NCKAP5: variants seen among roughly 807,000 people sequenced by gnomAD.
NCKAP5 encodes the protein NCK associated protein 5.
Under a neutral mutation model 167.0 loss-of-function variants are expected in NCKAP5, and 92 were observed. That is an observed-to-expected ratio of 0.55 (90% CI 0.47 to 0.66). The LOEUF (loss-of-function observed/expected upper bound fraction) is 0.66, where lower values mean the gene tolerates loss of function less well. Among genes scored for constraint, NCKAP5 ranks in the 30% least tolerant of loss-of-function variants. The probability of loss-of-function intolerance (pLI) is 0.00; values close to 1 mark genes in which losing one functional copy is unlikely to be tolerated. For synonymous variants in NCKAP5, 891 were observed against 877.4 expected (o/e 1.02, Z -0.27); for missense variants, 2,378 against 2,315.0 (o/e 1.03, Z -0.56).
chr2:132,696,627 G>A (rs544955852), intron 19 of NCKAP5, among the ~76,000 whole-genome samples: 102 of 152,182 alleles, frequency 6.7e-4, no homozygotes, highest in African/African-American at 2.4e-3. Flanking sequence ...CTTTTCACTC[G>A]GATCATTAGC....
intron 3 of NCKAP5, among the ~76,000 whole-genome samples, chr2:133,394,426 G>A (rs1405828185): frequency 1.3e-5 from 2 of 152,140 alleles, no homozygotes; most frequent in African/African-American, 2.4e-5. Flanking sequence ...AAGAATGGAG[G>A]CACATCAGTC....
intron 8 of NCKAP5, among the ~76,000 whole-genome samples, chr2:132,904,246 C>A (rs1328921382): frequency 6.7e-6 from 1 of 149,916 alleles, no homozygotes; most frequent in African/African-American, 2.5e-5. Flanking sequence ...TGAGATGGCG[C>A]CACTGCACTC....
At chr2:133,173,200 G>A (rs1389731304) in intron 5 of NCKAP5, among the ~76,000 whole-genome samples, 1 of 152,136 alleles carries the variant, frequency 6.6e-6, no homozygotes, top group Non-Finnish European at 1.5e-5. Flanking sequence ...CAGGAGGTTG[G>A]GGTGGGATAT....
At chr2:133,178,622 G>A (rs1353495114) in intron 5 of NCKAP5, among the ~76,000 whole-genome samples, 2 of 146,572 alleles carry the variant, frequency 1.4e-5, no homozygotes, top group Non-Finnish European at 3.0e-5. Context: ...TCAGAAGATT[G>A]AGACCATCCT....
intron 8 of NCKAP5, among the ~76,000 whole-genome samples, chr2:132,957,609 C>T (rs1461537136): frequency 6.6e-6 from 1 of 152,134 alleles, no homozygotes; most frequent in African/African-American, 2.4e-5. Flanking sequence ...CTTCATTTTC[C>T]CCTAGTCTAG....
intron 5 of NCKAP5, among the ~76,000 whole-genome samples, chr2:133,159,461 A>G (rs556953089): frequency 1.3e-5 from 2 of 152,046 alleles, no homozygotes; most frequent in Non-Finnish European, 2.9e-5. Context: ...GATGCCATGT[A>G]TCTGTTGTTT....
intron 4 of NCKAP5, among the ~76,000 whole-genome samples, chr2:133,292,126 A>G (rs1679641309): frequency 6.6e-6 from 1 of 152,168 alleles, no homozygotes; most frequent in South Asian, 2.1e-4. Context: ...CAAATGACTT[A>G]TTTTTAATCT....
chr2:133,216,677 G>A (rs911698453), intron 4 of NCKAP5, among the ~76,000 whole-genome samples: 1 of 152,048 alleles, frequency 6.6e-6, no homozygotes, highest in Non-Finnish European at 1.5e-5. Context: ...GAAACAGTTG[G>A]TACAGAAACA....
At chr2:132,974,952 T>C (rs2076938499) in intron 7 of NCKAP5, among the ~76,000 whole-genome samples, 1 of 152,250 alleles carries the variant, frequency 6.6e-6, no homozygotes, top group Admixed American at 6.5e-5. Flanking sequence ...CAGCGTGCCC[T>C]GGTTGTTTCA....
At chr2:133,310,011 G>A (rs930723216) in intron 3 of NCKAP5, among the ~76,000 whole-genome samples, 4 of 152,074 alleles carry the variant, frequency 2.6e-5, no homozygotes, top group South Asian at 4.2e-4. Flanking sequence ...CCAGCAAGGC[G>A]GCCAGCTGTT....
At chr2:132,988,202 C>T (rs2149289737) in intron 7 of NCKAP5, among the ~76,000 whole-genome samples, 1 of 152,260 alleles carries the variant, frequency 6.6e-6, no homozygotes, top group Non-Finnish European at 1.5e-5. Flanking sequence ...AATCATTCTA[C>T]ATACGTAATC....
chr2:133,051,539 A>G (rs115619536), intron 6 of NCKAP5, among the ~76,000 whole-genome samples: 1,871 of 152,292 alleles, frequency 0.012, 35 homozygotes, highest in African/African-American at 0.043. Flanking sequence ...GTACCACGGA[A>G]GGCAGGCGGT....
chr2:133,344,725 C>A (rs1683845051), intron 3 of NCKAP5, among the ~76,000 whole-genome samples: 1 of 152,078 alleles, frequency 6.6e-6, no homozygotes, highest in South Asian at 2.1e-4. Flanking sequence ...GAGTCAAAGG[C>A]AATCTCGAGA....
intron 6 of NCKAP5, among the ~76,000 whole-genome samples, chr2:133,066,277 C>T (rs1014296797): frequency 6.6e-6 from 1 of 152,176 alleles, no homozygotes; most frequent in Non-Finnish European, 1.5e-5. Context: ...ATTGAGCCAG[C>T]CTTGTCATCA....
chr2:133,418,881 C>A (rs1308794532), intron 3 of NCKAP5, among the ~76,000 whole-genome samples: 1 of 152,106 alleles, frequency 6.6e-6, no homozygotes, highest in Non-Finnish European at 1.5e-5. Context: ...GAATTTTTTA[C>A]CCTTAGTGTG....
intron 4 of NCKAP5, among the ~76,000 whole-genome samples, chr2:133,222,253 T>C (rs140473904): frequency 3.3e-5 from 5 of 152,208 alleles, no homozygotes; most frequent in African/African-American, 9.6e-5. Flanking sequence ...TAAAAATATA[T>C]ATTAATTTAA....
In NCKAP5 at chr2:133,312,184, A is replaced by C. The variant is rs531554846; in HGVS notation, c.70-9074T>G. Among the ~76,000 whole-genome samples the C allele has an allele frequency of 7.1e-4, 108 of 152,314 alleles. 1 individual carries two copies. The highest frequency in any genetic ancestry group is 2.5e-3 in the African/African-American group (106 of 41,570). On this transcript the variant is annotated intron_variant, in intron 3 of 19. Transcript: ENST00000409261. ...CTCTGTCATATATGGAAATTTCATC[A>C]GTATGAATTAACAGTGACAGAATTT...
intron 4 of NCKAP5, among the ~76,000 whole-genome samples, chr2:133,258,741 G>C (rs2088754308): frequency 6.7e-6 from 1 of 148,242 alleles, no homozygotes; most frequent in Admixed American, 6.7e-5. Flanking sequence ...GCAAGATCCT[G>C]TCTCAATTAA....
intron 11 of NCKAP5, among the ~76,000 whole-genome samples, chr2:132,827,885 C>A (rs6724053): frequency 0.04 from 6,147 of 152,184 alleles, 279 homozygotes; most frequent in East Asian, 0.13. Flanking sequence ...TTGGGTTTTT[C>A]AAAGCCCTTA....
Sources: gnomAD v4.1 joint callset for allele counts (sites outside exome capture counted in the v4.1 genomes callset) on GRCh38, gnomAD v4.1.1 for gene constraint, MANE v1.5 for transcripts, NCBI Gene and HGNC (gene_info 2026-07-23, HGNC 2026-07-21) for gene names.